PCDHGB3: variants seen among roughly 807,000 people sequenced by gnomAD.
PCDHGB3 encodes protocadherin gamma subfamily B, 3.
In PCDHGB3, 40 loss-of-function variants were observed where a neutral mutation model predicts 59.2. The observed-to-expected ratio is 0.68, with a 90% CI of 0.52 to 0.88. The LOEUF (loss-of-function observed/expected upper bound fraction) is 0.88, where lower values mean the gene tolerates loss of function less well. Ranked by LOEUF, PCDHGB3 falls within the 40% of genes least tolerant of loss-of-function variation. The pLI, the probability that PCDHGB3 is intolerant of heterozygous loss-of-function variation, is 0.00. For missense variants in PCDHGB3, 1,309 were observed against 1,187.9 expected, an observed-to-expected ratio of 1.10 and a Z score of -1.50; for synonymous variants, 581 against 503.6, an observed-to-expected ratio of 1.15 and a Z score of -2.06.
At position 141,490,293 on chromosome 5, in the gene PCDHGB3, ATTG is replaced by A; in HGVS notation, c.2416-4513_2416-4511del. The A allele has an allele frequency of 1.9e-6, 3 of 1,614,190 alleles. No individual in the cohort carries two copies. Among genetic ancestry groups the A allele is most frequent in the Non-Finnish European group, 2.5e-6 (3 of 1,180,028 alleles). On this transcript the variant is annotated intron_variant, in intron 1 of 3. Coordinates refer to ENST00000576222, the MANE Select transcript of PCDHGB3 (RefSeq NM_018924.5). The surrounding 1 kb of genome is among the most constrained non-coding windows in gnomAD (Gnocchi z 5.4). ...TCAATGACAATGCCCCAGAGGTGCTATTGGCCTCTTTGGCCAACCCTGTCCTAG... is the reference window on the plus strand; with the variant it reads ...TCAATGACAATGCCCCAGAGGTGCTAGCCTCTTTGGCCAACCCTGTCCTAG...
intron 1 of PCDHGB3, chr5:141,478,581 T>C: frequency 6.3e-7 from 1 of 1,580,158 alleles, no homozygotes; most frequent in Non-Finnish European, 8.6e-7. Flanking sequence ...ACCCTGTTAG[T>C]GCTTTTTTAT....
rs368168278 is a variant in PCDHGB3, at chr5:141,419,810, C to T, written c.2415+47001C>T. On this transcript the variant is annotated intron_variant, in intron 1 of 3. Coordinates refer to ENST00000576222, the MANE Select transcript of PCDHGB3 (RefSeq NM_018924.5). ...GCTAGTCGCTGTAAGAGATGGAGGA[C>T]AGCCACCCCTTTCAGCCACTGCCAC... The T allele has an allele frequency of 3.1e-6, 5 of 1,613,946 alleles. No individual in the cohort carries two copies. The Admixed American group carries it at 8.3e-5, about 27-fold the overall frequency.
Position 141,491,965 on chromosome 5 carries a change from G to A in PCDHGB3, c.2416-2842G>A. 1 of 946,810 alleles carries A rather than the reference G, an allele frequency of 1.1e-6. No individual in the cohort carries two copies. Among genetic ancestry groups the A allele is most frequent in the Non-Finnish European group, 1.5e-6 (1 of 672,398 alleles). 58.7% of individuals were successfully genotyped at this position (946,810 alleles called of 1,614,324 possible). On this transcript the variant is annotated intron_variant, in intron 1 of 3. Coordinates refer to ENST00000576222, the MANE Select transcript of PCDHGB3 (RefSeq NM_018924.5). The surrounding 1 kb of genome is among the most constrained non-coding windows in gnomAD (Gnocchi z 6.9). ...CCCACCCCTACACTCAAAAAAGGCC[G>A]GGGCCTCCTTCGAGCTTCCGGTGAA...
Position 141,491,730 on chromosome 5 carries a change from C to A in PCDHGB3, c.2416-3077C>A, listed in dbSNP as rs1346666614. ...GGGGCTCGGCGCCGCCCCGGGCGAC[C>A]CCTGGGGGCGGCACTGGAGAAGCCG... On this transcript the variant is annotated intron_variant, in intron 1 of 3. Coordinates refer to ENST00000576222, the MANE Select transcript of PCDHGB3 (RefSeq NM_018924.5). This position sits in a 1 kb window ranked among gnomAD's most constrained non-coding sequence, Gnocchi z 6.9. 3.1e-6 allele frequency: 5 copies of A among 1,603,920 alleles called. No individual in the cohort carries two copies. The East Asian group carries it at 6.7e-5, about 22-fold the overall frequency.
chr5:141,373,819 A>G, intron 1 of PCDHGB3: 1 of 365,074 alleles, frequency 2.7e-6, no homozygotes, highest in Non-Finnish European at 4.9e-6. Context: ...GTTTCACAAA[A>G]CGATGCAGTA....
intron 1 of PCDHGB3, among the ~76,000 whole-genome samples, chr5:141,481,647 A>G (rs749515062): frequency 1.6e-4 from 25 of 151,712 alleles, no homozygotes; most frequent in Non-Finnish European, 2.8e-4. Flanking sequence ...GTGAAACTTC[A>G]TCTCTACTAA....
chr5:141,415,311 C>T, intron 1 of PCDHGB3: 2 of 1,614,242 alleles, frequency 1.2e-6, no homozygotes, highest in Non-Finnish European at 1.7e-6. Context: ...TGGCCTTCGT[C>T]ATCGTGCTGC....
intron 1 of PCDHGB3, among the ~76,000 whole-genome samples, chr5:141,434,221 G>T (rs760622311): frequency 6.6e-6 from 1 of 152,206 alleles, no homozygotes; most frequent in Admixed American, 6.5e-5. Flanking sequence ...TGTAAACAAA[G>T]TACGATTTCT....
chr5:141,399,960 G>T, intron 1 of PCDHGB3: 1 of 1,612,214 alleles, frequency 6.2e-7, no homozygotes, highest in Non-Finnish European at 8.5e-7. Flanking sequence ...GCGAGCCCGG[G>T]CTCTTCAGCC....
chr5:141,405,398 CT>C, intron 1 of PCDHGB3: 1 of 1,590,264 alleles, frequency 6.3e-7, no homozygotes, highest in Non-Finnish European at 8.6e-7. Context: ...TTTTTTCTTT[CT>C]TTCTTTTCTT....
At chr5:141,386,989 G>A (rs1354556956) in intron 1 of PCDHGB3, among the ~76,000 whole-genome samples, 1 of 152,156 alleles carries the variant, frequency 6.6e-6, no homozygotes, top group East Asian at 1.9e-4. Context: ...TTGAGGCTAT[G>A]TATTATCCCC....
intron 1 of PCDHGB3, among the ~76,000 whole-genome samples, chr5:141,380,119 C>G (rs1776230569): frequency 6.6e-6 from 1 of 151,916 alleles, no homozygotes; most frequent in Non-Finnish European, 1.5e-5. Flanking sequence ...AGGCTGGTCT[C>G]AAACTCCTGA....
chr5:141,406,707 T>C (rs1201619018), intron 1 of PCDHGB3, among the ~76,000 whole-genome samples: 1 of 152,228 alleles, frequency 6.6e-6, no homozygotes, highest in Non-Finnish European at 1.5e-5. Flanking sequence ...AGTATATGCT[T>C]GCTCAAGAGA....
intron 1 of PCDHGB3, chr5:141,394,120 C>T: frequency 5.0e-6 from 8 of 1,613,954 alleles, no homozygotes; most frequent in Non-Finnish European, 5.9e-6. Context: ...TCCACTGAAA[C>T]TCAAATCGCT....
At chr5:141,478,322 C>G (rs1360535508) in intron 1 of PCDHGB3, 28 of 1,613,976 alleles carry the variant, frequency 1.7e-5, no homozygotes, top group Non-Finnish European at 2.3e-5. Context: ...CTCACTGTAC[C>G]GAACACCAGG....
intron 1 of PCDHGB3, chr5:141,383,858 A>C (rs1368399969): frequency 1.2e-6 from 2 of 1,613,996 alleles, no homozygotes. Flanking sequence ...ATGGAGGTTC[A>C]GGCTCAAGAT....
intron 1 of PCDHGB3, chr5:141,385,207 T>G: frequency 6.2e-7 from 1 of 1,614,226 alleles, no homozygotes; most frequent in Non-Finnish European, 8.5e-7. Flanking sequence ...TCACCTGATC[T>G]TCCCCCAGCC....
chr5:141,389,211 G>T (rs2091646577), intron 1 of PCDHGB3: 1 of 1,613,940 alleles, frequency 6.2e-7, no homozygotes, highest in Admixed American at 1.7e-5. Context: ...CATTGGTGAT[G>T]TAAATGACAA....
rs745778398 is a variant in PCDHGB3, at chr5:141,389,350, T to A, written c.2415+16541T>A. The A allele has an allele frequency of 1.6e-5, 26 of 1,613,964 alleles. No individual in the cohort carries two copies. Among genetic ancestry groups the A allele is most frequent in the Non-Finnish European group, 2.2e-5 (26 of 1,179,910 alleles). Reference sequence around the variant, plus strand: ...CCCAACGGCCAAGTCTCTTACTGCATCATGGCCAGTGACCTGGAGCAGCGG... The same window carrying A: ...CCCAACGGCCAAGTCTCTTACTGCAACATGGCCAGTGACCTGGAGCAGCGG... On this transcript the variant is annotated intron_variant, in intron 1 of 3. Coordinates refer to ENST00000576222, the MANE Select transcript of PCDHGB3 (RefSeq NM_018924.5).
Sources: gnomAD v4.1 joint callset for allele counts (sites outside exome capture counted in the v4.1 genomes callset) on GRCh38, gnomAD v4.1.1 for gene constraint, Gnocchi (gnomAD v3.1) non-coding constraint, MANE v1.5 for transcripts, NCBI Gene and HGNC (gene_info 2026-07-23, HGNC 2026-07-21) for gene names.